OPCML: variants seen among roughly 807,000 people sequenced by gnomAD.
OPCML encodes the protein opioid binding protein/cell adhesion molecule like.
OPCML carries 13 observed loss-of-function variants against 37.8 expected under a neutral mutation model. The ratio of observed to expected loss-of-function variants is 0.34; its 90% confidence interval spans 0.22 to 0.55. The LOEUF (loss-of-function observed/expected upper bound fraction) is 0.55, where lower values mean the gene tolerates loss of function less well. OPCML is among the 20% of genes least tolerant of loss of function. The probability of loss-of-function intolerance (pLI) is 0.91; values close to 1 mark genes in which losing one functional copy is unlikely to be tolerated. For synonymous variants in OPCML, 176 were observed against 168.8 expected, an observed-to-expected ratio of 1.04 and a Z score of -0.33; for missense variants, 341 against 435.6, an observed-to-expected ratio of 0.78 and a Z score of 1.93.
chr11:132,805,894 G>A (rs755701530), intron 2 of OPCML, among the ~76,000 whole-genome samples: 16 of 151,422 alleles, frequency 1.1e-4, no homozygotes, highest in Non-Finnish European at 2.1e-4. Flanking sequence ...TTTAAAAACT[G>A]CTATTTATAG....
chr11:133,017,241 T>TCCC (rs1297663755), intron 1 of OPCML, among the ~76,000 whole-genome samples: 1 of 151,986 alleles, frequency 6.6e-6, no homozygotes, highest in Non-Finnish European at 1.5e-5. Context: ...CTTAATCACC[T>TCCC]CCCAAAGGCT....
chr11:132,813,539 C>T (rs1362380836), intron 2 of OPCML, among the ~76,000 whole-genome samples: 1 of 152,170 alleles, frequency 6.6e-6, no homozygotes, highest in Non-Finnish European at 1.5e-5. Flanking sequence ...GCAGCAGCAA[C>T]CTTCTCCTCT....
intron 1 of OPCML, among the ~76,000 whole-genome samples, chr11:133,264,768 T>A (rs199994727): frequency 6.7e-6 from 1 of 149,652 alleles, no homozygotes; most frequent in Non-Finnish European, 1.5e-5. Context: ...CGGTTTTTAA[T>A]AAAAAAAAAA....
At chr11:132,619,853 A>AG (rs1939294558) in intron 3 of OPCML, among the ~76,000 whole-genome samples, 1 of 148,326 alleles carries the variant, frequency 6.7e-6, no homozygotes, top group African/African-American at 2.5e-5. Context: ...CTCCATGTCA[A>AG]AAAAAAAAAA....
At chr11:132,493,980 G>A (rs1161392607) in intron 4 of OPCML, among the ~76,000 whole-genome samples, 1 of 152,176 alleles carries the variant, frequency 6.6e-6, no homozygotes, top group East Asian at 1.9e-4. Context: ...AGCTTCCTAA[G>A]AGCCATGTCC....
intron 1 of OPCML, chr11:133,024,360 G>T (rs1024743179): frequency 3.0e-6 from 3 of 985,176 alleles, no homozygotes; most frequent in Middle Eastern, 5.2e-4. Context: ...AACAGCACAC[G>T]TGTCCATTGA....
At chr11:133,015,164 G>T (rs1011202757) in intron 1 of OPCML, among the ~76,000 whole-genome samples, 2 of 152,056 alleles carry the variant, frequency 1.3e-5, no homozygotes, top group African/African-American at 2.4e-5. Context: ...AGATAGGCAG[G>T]TTGGAAAATA....
chr11:133,377,625 A>G (rs902382062), intron 1 of OPCML, among the ~76,000 whole-genome samples: 3 of 150,850 alleles, frequency 2.0e-5, no homozygotes, highest in Admixed American at 2.0e-4. Flanking sequence ...AAAAAAAAAA[A>G]AAGAGCACCA....
chr11:132,498,181 G>T (rs1351063658), intron 4 of OPCML, among the ~76,000 whole-genome samples: 1 of 152,092 alleles, frequency 6.6e-6, no homozygotes, highest in Non-Finnish European at 1.5e-5. Flanking sequence ...AAGAAAAATG[G>T]TGGTAACATT....
chr11:132,813,540 C>T (rs1179871097), intron 2 of OPCML, among the ~76,000 whole-genome samples: 1 of 152,158 alleles, frequency 6.6e-6, no homozygotes, highest in Non-Finnish European at 1.5e-5. Flanking sequence ...CAGCAGCAAC[C>T]TTCTCCTCTC....
chr11:132,418,929 C>T lies in OPCML; in HGVS notation c.*1264G>A, dbSNP rs1301515294. Reference sequence around the variant, plus strand: ...ATCAAAACTTTTCTAGGCTGATCTGCTTCCCAAGAAAGTGTTTTAGAAAAC... The same window carrying T: ...ATCAAAACTTTTCTAGGCTGATCTGTTTCCCAAGAAAGTGTTTTAGAAAAC... On this transcript the variant is annotated 3_prime_UTR_variant, in exon 8 of 8. Coordinates refer to ENST00000524381, the MANE Select transcript of OPCML (RefSeq NM_001012393.5). The T allele has an allele frequency of 6.6e-6, 1 of 152,656 alleles. No homozygotes were observed. The highest frequency in any genetic ancestry group is 1.5e-5 in the Non-Finnish European group (1 of 68,052). The allele number at this position is 152,656 out of a possible 1,614,324, so 9.5% of individuals were successfully genotyped here.
intron 2 of OPCML, among the ~76,000 whole-genome samples, chr11:132,783,992 G>A (rs1199521821): frequency 6.6e-6 from 1 of 152,084 alleles, no homozygotes; most frequent in Non-Finnish European, 1.5e-5. Flanking sequence ...GATCAGATAG[G>A]CCTGATTAGC....
chr11:132,657,047 A>G (rs1167449945), intron 3 of OPCML, 40 bp downstream of exon 3: 4 of 1,601,762 alleles, frequency 2.5e-6, no homozygotes, highest in Non-Finnish European at 3.4e-6. Flanking sequence ...CCCCTCCATC[A>G]CTGACGGGAA....
intron 1 of OPCML, among the ~76,000 whole-genome samples, chr11:133,230,806 A>G (rs1269143135): frequency 6.6e-6 from 1 of 152,088 alleles, no homozygotes; most frequent in East Asian, 1.9e-4. Context: ...CCGCATTTCC[A>G]TGTTGCAGGA....
chr11:132,999,368 A>C (rs1332003102), intron 1 of OPCML, among the ~76,000 whole-genome samples: 2 of 152,006 alleles, frequency 1.3e-5, no homozygotes, highest in African/African-American at 2.4e-5. Flanking sequence ...GTTAATTTCC[A>C]ATTCTTTCCA....
At chr11:133,119,644 G>A (rs561670543) in intron 1 of OPCML, among the ~76,000 whole-genome samples, 3 of 152,294 alleles carry the variant, frequency 2.0e-5, no homozygotes, top group Admixed American at 2.0e-4. Context: ...TATAAACAGA[G>A]TCTTGCGGGA....
chr11:132,665,767 C>T (rs1385125980), intron 2 of OPCML, among the ~76,000 whole-genome samples: 2 of 152,118 alleles, frequency 1.3e-5, no homozygotes, highest in South Asian at 2.1e-4. Flanking sequence ...GATCACATTA[C>T]TAGTTTCCCA....
At chr11:133,396,401 A>G (rs1270937925) in intron 1 of OPCML, among the ~76,000 whole-genome samples, 3 of 151,986 alleles carry the variant, frequency 2.0e-5, no homozygotes. Flanking sequence ...TAATTGCTCT[A>G]GCTAGGACTT....
intron 3 of OPCML, among the ~76,000 whole-genome samples, chr11:132,533,209 C>A (rs1292318504): frequency 6.6e-6 from 1 of 152,178 alleles, no homozygotes; most frequent in Non-Finnish European, 1.5e-5. Flanking sequence ...CTGCAGGTAT[C>A]TGCTTATCTT....
Sources: gnomAD v4.1 joint callset for allele counts (sites outside exome capture counted in the v4.1 genomes callset) on GRCh38, gnomAD v4.1.1 for gene constraint, MANE v1.5 for transcripts, NCBI Gene and HGNC (gene_info 2026-07-23, HGNC 2026-07-21) for gene names.